CDYL: variants seen among roughly 807,000 people sequenced by gnomAD.
CDYL encodes the protein chromodomain Y-like protein.
A neutral mutation model predicts 47.3 loss-of-function variants in CDYL; 8 were observed. That is an observed-to-expected ratio of 0.17 (90% confidence interval 0.10 to 0.31). The LOEUF (loss-of-function observed/expected upper bound fraction) is 0.31. Ranked by LOEUF, CDYL falls within the 10% of genes least tolerant of loss-of-function variation. CDYL has a pLI of 1.00. For missense variants in CDYL, 471 were observed against 701.4 expected (o/e 0.67, Z 3.71); for synonymous variants, 266 against 265.0 (o/e 1.00, Z -0.04).
intron 1 of CDYL, among the ~76,000 whole-genome samples, chr6:4,872,468 G>A (rs762134340): frequency 9.9e-5 from 15 of 151,736 alleles, no homozygotes; most frequent in Non-Finnish European, 4.4e-5. Context: ...TGCAACCTCC[G>A]CCTCCCAGGT....
intron 3 of CDYL, among the ~76,000 whole-genome samples, chr6:4,767,622 G>A (rs1437313795): frequency 6.6e-6 from 1 of 152,002 alleles, no homozygotes; most frequent in Non-Finnish European, 1.5e-5. Context: ...GGAGCAGAGG[G>A]AAACTAGGAT....
intron 3 of CDYL, among the ~76,000 whole-genome samples, chr6:4,743,666 C>T (rs1425153375): frequency 1.3e-5 from 2 of 152,226 alleles, no homozygotes; most frequent in Non-Finnish European, 2.9e-5. Context: ...ATCTTCTCCA[C>T]TAAGCCAATG....
intron 1 of CDYL, among the ~76,000 whole-genome samples, chr6:4,831,560 G>A (rs1480087523): frequency 6.6e-6 from 1 of 151,924 alleles, no homozygotes; most frequent in Non-Finnish European, 1.5e-5. Flanking sequence ...TTGGCGATGC[G>A]GGCTCTTTTT....
intron 1 of CDYL, among the ~76,000 whole-genome samples, chr6:4,711,627 G>A (rs1757154348): frequency 6.6e-6 from 1 of 152,088 alleles, no homozygotes; most frequent in Non-Finnish European, 1.5e-5. Context: ...GAGGGGGGAG[G>A]AGGACATTTC....
At chr6:4,948,792 T>C (rs1758608887) in intron 5 of CDYL, among the ~76,000 whole-genome samples, 1 of 152,216 alleles carries the variant, frequency 6.6e-6, no homozygotes, top group East Asian at 1.9e-4. Flanking sequence ...TCGGCGTGAA[T>C]TCTACACTTT....
intron 1 of CDYL, among the ~76,000 whole-genome samples, chr6:4,857,211 A>G (rs1761035822): frequency 2.0e-5 from 3 of 152,220 alleles, no homozygotes; most frequent in African/African-American, 4.8e-5. Flanking sequence ...CTGGCATTAA[A>G]TACATTCACA....
At chr6:4,894,120 G>C (rs184453285) in intron 2 of CDYL, among the ~76,000 whole-genome samples, 2 of 152,366 alleles carry the variant, frequency 1.3e-5, no homozygotes, top group East Asian at 3.9e-4. Flanking sequence ...GAGAAGTTCA[G>C]AGGTAGAAGG....
rs58429953 is a variant in CDYL at position 4,937,422 on chromosome 6, G to C, written c.949-143G>C. On this transcript the variant is annotated intron_variant, in intron 3 of 6. Coordinates refer to ENST00000397588, the MANE Select transcript of CDYL (RefSeq NM_004824.4). The stretch of plus-strand genomic sequence containing the variant: ...GAGGCGGGAGGATTGTTTGAGCCCA[G>C]GAGTTAGAGAGCACAGTGAGCCTTG... 2.0e-3 allele frequency: 1,075 copies of C among 548,824 alleles called. 23 individuals are homozygous for C. In the East Asian group the frequency reaches 0.036, roughly 18 times the overall value. 34.0% of individuals were successfully genotyped at this position (548,824 alleles called of 1,614,324 possible). A position where few individuals can be genotyped will look rare whatever the true frequency, so the allele number is the denominator to read the frequency against.
At chr6:4,801,964 T>C (rs17138856) in intron 1 of CDYL, among the ~76,000 whole-genome samples, 23,604 of 152,216 alleles carry the variant, frequency 0.16, 2,081 homozygotes, top group African/African-American at 0.24. Flanking sequence ...CAGCATCTTA[T>C]GCTCTGAATT....
intron 2 of CDYL, among the ~76,000 whole-genome samples, chr6:4,719,365 T>C (rs989670040): frequency 1.3e-5 from 2 of 152,200 alleles, no homozygotes; most frequent in African/African-American, 2.4e-5. Flanking sequence ...ACGGTATTAA[T>C]ACACATTGTC....
intron 3 of CDYL, among the ~76,000 whole-genome samples, chr6:4,748,656 GACACAC>G (rs111349102): frequency 1.4e-5 from 2 of 146,158 alleles, no homozygotes; most frequent in South Asian, 2.2e-4. Flanking sequence ...TGATGGCAAA[GACACAC>G]ACACACACAC....
chr6:4,937,363 G>A (rs1337725764), intron 3 of CDYL, among the ~76,000 whole-genome samples: 1 of 151,960 alleles, frequency 6.6e-6, no homozygotes, highest in Non-Finnish European at 1.5e-5. Context: ...AGGCATGATA[G>A]CACAAGCCTG....
intron 3 of CDYL, among the ~76,000 whole-genome samples, chr6:4,760,011 T>G (rs545822935): frequency 6.7e-6 from 1 of 150,118 alleles, no homozygotes; most frequent in East Asian, 2.0e-4. Context: ...CTTGAAGAGA[T>G]TAGTTTCATT....
In CDYL at chr6:4,807,777, A is replaced by AT. The variant is rs534593116; in HGVS notation, c.24+30977dup. Among the ~76,000 whole-genome samples the AT allele has an allele frequency of 4.7e-3, 705 of 148,472 alleles. 3 individuals are homozygous for AT. The highest frequency in any genetic ancestry group is 0.016 in the African/African-American group (657 of 40,398). On this transcript the variant is annotated intron_variant, in intron 1 of 6. Coordinates refer to ENST00000397588, the MANE Select transcript of CDYL (RefSeq NM_004824.4). ...TGCCACCACACCTGACTAATTTTTAATTTTTTTCTGTAGAGATAGGGTCTT... is the reference window on the plus strand; with the variant it reads ...TGCCACCACACCTGACTAATTTTTAATTTTTTTTCTGTAGAGATAGGGTCTT...
At chr6:4,796,405 T>G (rs1759073944) in intron 1 of CDYL, among the ~76,000 whole-genome samples, 1 of 152,206 alleles carries the variant, frequency 6.6e-6, no homozygotes, top group Non-Finnish European at 1.5e-5. Flanking sequence ...GATTTAAATA[T>G]TTGTTCAGGG....
At chr6:4,840,913 A>G (rs1271018736) in intron 1 of CDYL, among the ~76,000 whole-genome samples, 2 of 151,872 alleles carry the variant, frequency 1.3e-5, no homozygotes, top group Non-Finnish European at 2.9e-5. Flanking sequence ...TTGGTATTAG[A>G]GTGACACTGG....
chr6:4,938,517 A>G (rs1266403530), intron 4 of CDYL, among the ~76,000 whole-genome samples: 1 of 152,246 alleles, frequency 6.6e-6, no homozygotes, highest in East Asian at 1.9e-4. Flanking sequence ...AAACACGAAT[A>G]CATTGTGGAA....
At position 4,899,560 on chromosome 6, in the gene CDYL, T is replaced by C. The variant is rs183159132; in HGVS notation, c.691+7181T>C. ...AAGACAAAGGCTGTTTAGTAAGGTC[T>C]GTTGATGCCGTCTCGGCCCAGTTTC... is the stretch of plus-strand genomic sequence containing the variant. On this transcript the variant is annotated intron_variant, in intron 2 of 6. Coordinates refer to ENST00000397588, the MANE Select transcript of CDYL (RefSeq NM_004824.4). Among the ~76,000 whole-genome samples, 6 of 152,344 alleles carry C rather than the reference T, an allele frequency of 3.9e-5. No individual in the cohort carries two copies. The East Asian group carries it at 1.2e-3, about 29-fold the overall frequency.
chr6:4,892,215 CAGTGGCACCCGA>C lies in CDYL; in HGVS notation c.535_546del (p.Pro179_Ala182del). 6.2e-7 allele frequency: 1 copy of C among 1,614,218 alleles called. No homozygotes were observed. Among genetic ancestry groups the C allele is most frequent in the Non-Finnish European group, 8.5e-7 (1 of 1,180,044 alleles). On this transcript the variant is annotated inframe_deletion, in exon 2 of 7. Coordinates refer to ENST00000397588, the MANE Select transcript of CDYL (RefSeq NM_004824.4). ...CCCGTCGAGCAGGGTCAGGAGGACA[CAGTGGCACCCGA>C]AGTGGCAGCGGAAAAGCCGGTCGGA...
Sources: gnomAD v4.1 joint callset for allele counts (sites outside exome capture counted in the v4.1 genomes callset) on GRCh38, gnomAD v4.1.1 for gene constraint, MANE v1.5 for transcripts, NCBI Gene and HGNC (gene_info 2026-07-23, HGNC 2026-07-21) for gene names.